PDE11A: variants seen among roughly 807,000 people sequenced by gnomAD.
The protein encoded by PDE11A is phosphodiesterase 11A.
In PDE11A, 100 loss-of-function variants were observed where a neutral mutation model predicts 100.5. The observed-to-expected ratio is 1.00, with a 90% confidence interval of 0.85 to 1.18. The LOEUF (loss-of-function observed/expected upper bound fraction) is 1.18, where lower values mean the gene tolerates loss of function less well. PDE11A is among the 50% of genes most tolerant of loss of function. PDE11A has a pLI of 0.00. For missense variants in PDE11A, 1,141 were observed against 1,152.6 expected (o/e 0.99, Z 0.15); for synonymous variants, 381 against 420.8 (o/e 0.91, Z 1.16).
chr2:177,633,560 A>C (rs2079988631), intron 19 of PDE11A, among the ~76,000 whole-genome samples: 1 of 152,224 alleles, frequency 6.6e-6, no homozygotes, highest in Non-Finnish European at 1.5e-5. Flanking sequence ...GAAACATCTA[A>C]TTTTAAATCA....
chr2:178,052,118 G>A (rs2086836505), intron 1 of PDE11A, among the ~76,000 whole-genome samples: 1 of 152,100 alleles, frequency 6.6e-6, no homozygotes. Flanking sequence ...TGGAAGTACA[G>A]CACTCCTCAG....
At chr2:177,992,706 A>G (rs2086018776) in intron 2 of PDE11A, among the ~76,000 whole-genome samples, 1 of 152,102 alleles carries the variant, frequency 6.6e-6, no homozygotes, top group African/African-American at 2.4e-5. Flanking sequence ...CATGCTTCTG[A>G]TTTACATAAC....
intron 2 of PDE11A, among the ~76,000 whole-genome samples, chr2:177,940,953 C>A (rs2085339190): frequency 6.6e-6 from 1 of 151,498 alleles, no homozygotes; most frequent in Non-Finnish European, 1.5e-5. Flanking sequence ...CCAGACCAAT[C>A]TGGACTCAAT....
At chr2:177,994,222 T>A (rs1042083634) in intron 2 of PDE11A, among the ~76,000 whole-genome samples, 5 of 152,166 alleles carry the variant, frequency 3.3e-5, no homozygotes, top group African/African-American at 2.4e-5. Flanking sequence ...AGAGCCACTG[T>A]GCCTGGCCTG....
intron 2 of PDE11A, among the ~76,000 whole-genome samples, chr2:177,922,431 TATA>T (rs562921795): frequency 1.3e-5 from 2 of 151,820 alleles, no homozygotes; most frequent in African/African-American, 4.8e-5. Flanking sequence ...AAACTTAAAG[TATA>T]ATAATAATAA....
At chr2:177,969,445 A>C (rs1016519108) in intron 2 of PDE11A, among the ~76,000 whole-genome samples, 15 of 151,862 alleles carry the variant, frequency 9.9e-5, no homozygotes, top group African/African-American at 3.1e-4. Flanking sequence ...ATAAAAAAAA[A>C]CTCTCCAGTG....
intron 6 of PDE11A, among the ~76,000 whole-genome samples, chr2:177,834,168 T>C (rs2083353935): frequency 6.6e-6 from 1 of 152,202 alleles, no homozygotes; most frequent in Non-Finnish European, 1.5e-5. Context: ...TTCCTGGTCA[T>C]GAGACAAGAA....
chr2:177,631,563 ATATATACAT>A (rs2079941120), intron 19 of PDE11A, among the ~76,000 whole-genome samples: 1 of 38,958 alleles, frequency 2.6e-5, no homozygotes, highest in Admixed American at 4.3e-4. Context: ...GTATATATAT[ATATATACAT>A]GTATATATAT....
intron 2 of PDE11A, among the ~76,000 whole-genome samples, chr2:177,910,885 A>G (rs1476687489): frequency 1.3e-5 from 2 of 152,158 alleles, no homozygotes; most frequent in Admixed American, 6.5e-5. Context: ...GTCTGGTCCA[A>G]TTATACATCA....
chr2:177,730,702 C>T (rs2081673712), intron 10 of PDE11A, among the ~76,000 whole-genome samples: 1 of 152,024 alleles, frequency 6.6e-6, no homozygotes. Flanking sequence ...TTCACGGATA[C>T]AATATTTTCT....
At chr2:178,036,858 T>C (rs531039242) in intron 1 of PDE11A, among the ~76,000 whole-genome samples, 1 of 152,220 alleles carries the variant, frequency 6.6e-6, no homozygotes, top group South Asian at 2.1e-4. Flanking sequence ...TTACACCTTA[T>C]AGAAAAATTA....
chr2:177,821,854 C>T (rs1481064724), intron 6 of PDE11A, among the ~76,000 whole-genome samples: 1 of 151,786 alleles, frequency 6.6e-6, no homozygotes, highest in Non-Finnish European at 1.5e-5. Flanking sequence ...TGAAGTTGAG[C>T]AACTTTTCAT....
chr2:177,698,698 A>G (rs773334475), intron 14 of PDE11A: 4 of 152,220 alleles, frequency 2.6e-5, no homozygotes, highest in Non-Finnish European at 5.9e-5. Context: ...CTTAAAGACT[A>G]GAGTATATTG....
chr2:177,755,988 T>C (rs1370239621), intron 10 of PDE11A, among the ~76,000 whole-genome samples: 1 of 152,220 alleles, frequency 6.6e-6, no homozygotes, highest in Non-Finnish European at 1.5e-5. Flanking sequence ...GGGTTTCCTT[T>C]TGGTGTGCAC....
rs1233547462 is a variant in PDE11A at position 177,738,073 on chromosome 2, A to AAATCCAAGATCAGGT, written c.1789-9916_1789-9902dup. On this transcript the variant is annotated intron_variant, in intron 10 of 19. Transcript: ENST00000286063. ...CACACTTAGATACACGTGCACATGG[A>AAATCCAAGATCAGGT]AATCCAAGATCAGGTAATATAGGTG... 7.2e-5 allele frequency among the ~76,000 whole-genome samples: 11 copies of AAATCCAAGATCAGGT among 152,326 alleles called. No individual in the cohort carries two copies. The South Asian group carries it at 1.0e-3, about 14-fold the overall frequency.
intron 10 of PDE11A, among the ~76,000 whole-genome samples, chr2:177,743,856 T>C (rs928281456): frequency 2.0e-5 from 3 of 152,116 alleles, no homozygotes; most frequent in African/African-American, 7.2e-5. Flanking sequence ...ATGGATGAAA[T>C]TCAAGTTGGA....
intron 6 of PDE11A, among the ~76,000 whole-genome samples, chr2:177,834,543 C>G (rs1166224003): frequency 6.6e-6 from 1 of 152,340 alleles, no homozygotes; most frequent in East Asian, 1.9e-4. Context: ...CTCCCTGCCC[C>G]ACTCCCCTCC....
chr2:177,949,281 T>A (rs2085478905), intron 2 of PDE11A, among the ~76,000 whole-genome samples: 2 of 152,162 alleles, frequency 1.3e-5, no homozygotes, highest in African/African-American at 4.8e-5. Flanking sequence ...ATCTTTATTT[T>A]AATTTTACAT....
At chr2:177,932,372 C>T (rs547189591) in intron 2 of PDE11A, among the ~76,000 whole-genome samples, 1 of 152,196 alleles carries the variant, frequency 6.6e-6, no homozygotes, top group South Asian at 2.1e-4. Context: ...AACTACAGGA[C>T]AATATCTTTG....
Sources: allele counts gnomAD v4.1 joint callset (sites outside exome capture counted in the v4.1 genomes callset), GRCh38; gene constraint gnomAD v4.1.1; transcripts MANE v1.5; gene names NCBI Gene and HGNC (gene_info 2026-07-23, HGNC 2026-07-21).